The following NELL1 variants were observed in gnomAD, a reference collection of about 807,000 sequenced individuals.
The protein encoded by NELL1 is neural EGFL like 1, also known as protein kinase C-binding protein NELL1.
Under a neutral mutation model 107.4 loss-of-function variants are expected in NELL1, and 76 were observed. The observed-to-expected ratio is 0.71, with a 90% confidence interval of 0.59 to 0.86. NELL1 has a LOEUF of 0.86. Ranked by LOEUF, NELL1 falls within the 40% of genes least tolerant of loss-of-function variation. The probability of loss-of-function intolerance (pLI) is 0.00; values close to 1 mark genes in which losing one functional copy is unlikely to be tolerated. For synonymous variants in NELL1, 353 were observed against 341.2 expected, an observed-to-expected ratio of 1.03 and a Z score of -0.38; for missense variants, 1,024 against 1,005.5, an observed-to-expected ratio of 1.02 and a Z score of -0.25.
intron 12 of NELL1, among the ~76,000 whole-genome samples, chr11:20,990,486 C>T (rs777474744): frequency 2.6e-5 from 4 of 152,230 alleles, no homozygotes; most frequent in Non-Finnish European, 4.4e-5. Context: ...GATTATTCTG[C>T]TGTTGAACTC....
intron 12 of NELL1, among the ~76,000 whole-genome samples, chr11:21,080,554 C>T (rs989452157): frequency 2.0e-5 from 3 of 151,964 alleles, no homozygotes; most frequent in Non-Finnish European, 4.4e-5. Flanking sequence ...CTTAGTGTGG[C>T]TGTGGCATGA....
intron 3 of NELL1, among the ~76,000 whole-genome samples, chr11:20,812,998 C>A (rs1271053163): frequency 1.0e-5 from 1 of 100,338 alleles, no homozygotes; most frequent in Non-Finnish European, 1.7e-5. Flanking sequence ...GACAGCGAGA[C>A]TCCGTCTCAA....
intron 2 of NELL1, among the ~76,000 whole-genome samples, chr11:20,706,843 A>T (rs1364493113): frequency 3.3e-5 from 5 of 152,074 alleles, no homozygotes; most frequent in African/African-American, 4.8e-5. Context: ...GGTGAATCTG[A>T]CAATTATGTG....
intron 4 of NELL1, among the ~76,000 whole-genome samples, chr11:20,859,294 A>G (rs1016608000): frequency 6.6e-6 from 1 of 152,188 alleles, no homozygotes; most frequent in Non-Finnish European, 1.5e-5. Flanking sequence ...ATAGCTGATC[A>G]GTTGGTCTTT....
intron 11 of NELL1, among the ~76,000 whole-genome samples, chr11:20,954,352 C>T (rs992788683): frequency 2.6e-5 from 4 of 152,162 alleles, no homozygotes; most frequent in African/African-American, 9.7e-5. Flanking sequence ...TTCCATTTCT[C>T]CCACTAGGAT....
At chr11:21,211,333 C>A (rs1347674022) in intron 13 of NELL1, among the ~76,000 whole-genome samples, 2 of 152,014 alleles carry the variant, frequency 1.3e-5, no homozygotes, top group Non-Finnish European at 2.9e-5. Context: ...TAAAAAGGAA[C>A]TTTTGAGGCA....
At chr11:20,956,192 T>C (rs1248971790) in intron 11 of NELL1, among the ~76,000 whole-genome samples, 1 of 148,512 alleles carries the variant, frequency 6.7e-6, no homozygotes, top group East Asian at 2.1e-4. Flanking sequence ...GCACTCCAGC[T>C]TGGGTGACAG....
intron 12 of NELL1, among the ~76,000 whole-genome samples, chr11:20,992,772 T>A (rs1852004978): frequency 6.9e-6 from 1 of 144,386 alleles, no homozygotes; most frequent in Non-Finnish European, 1.5e-5. Context: ...TGGAGTGCAA[T>A]GGTGCGATCT....
At chr11:21,023,065 T>C (rs1296467724) in intron 12 of NELL1, among the ~76,000 whole-genome samples, 1 of 152,010 alleles carries the variant, frequency 6.6e-6, no homozygotes, top group African/African-American at 2.4e-5. Context: ...TCACTGAAAT[T>C]TTCTAACCCA....
intron 12 of NELL1, among the ~76,000 whole-genome samples, chr11:21,107,081 C>A (rs936907954): frequency 2.6e-5 from 4 of 152,172 alleles, no homozygotes; most frequent in Non-Finnish European, 4.4e-5. Context: ...CTGCTGTTAT[C>A]CGTTATCAAT....
In NELL1 at chr11:21,334,894, GA is replaced by G. The variant is rs575434395; in HGVS notation, c.1550-35952del. The stretch of plus-strand genomic sequence containing the variant: ...TACTGAGGGAGCAGAAAGAGGAAGA[GA>G]AAAAAACAGATAAAATGCCTAGCTG... On this transcript the variant is annotated intron_variant, in intron 14 of 19. Coordinates refer to ENST00000357134, the MANE Select transcript of NELL1 (RefSeq NM_006157.5). Among the ~76,000 whole-genome samples, 14 of 151,770 alleles carry G rather than the reference GA, an allele frequency of 9.2e-5. No homozygotes were observed. The East Asian group carries it at 2.7e-3, about 29-fold the overall frequency.
At chr11:21,398,357 T>C (rs1852025650) in intron 15 of NELL1, among the ~76,000 whole-genome samples, 1 of 151,752 alleles carries the variant, frequency 6.6e-6, no homozygotes. Flanking sequence ...CCTCCTATTC[T>C]GGCAATCTGA....
At chr11:21,421,597 C>T (rs926524838) in intron 15 of NELL1, among the ~76,000 whole-genome samples, 1 of 152,016 alleles carries the variant, frequency 6.6e-6, no homozygotes, top group African/African-American at 2.4e-5. Context: ...CCTCACGTCC[C>T]CACCCCACAG....
At chr11:20,990,530 T>A (rs1851949858) in intron 12 of NELL1, among the ~76,000 whole-genome samples, 1 of 152,172 alleles carries the variant, frequency 6.6e-6, no homozygotes, top group Non-Finnish European at 1.5e-5. Context: ...TTCTCCAGCA[T>A]TTTTCTCTCC....
At chr11:20,699,589 A>G (rs1261349657) in intron 2 of NELL1, among the ~76,000 whole-genome samples, 2 of 151,974 alleles carry the variant, frequency 1.3e-5, no homozygotes, top group Non-Finnish European at 1.5e-5. Flanking sequence ...CAAACTCCTG[A>G]CCTCATGATC....
rs140760341 is a variant in NELL1 at position 21,573,350 on chromosome 11, C to T, written c.2323C>T (p.Arg775Trp). The T allele has an allele frequency of 3.9e-4, 624 of 1,612,326 alleles. No homozygotes were observed. Among genetic ancestry groups the T allele is most frequent in the Middle Eastern group, 2.0e-3 (12 of 6,044 alleles). ...KTCLDSYGVS[R>W]LSGSVWTMAG... ...TTGCCTGGACAGCTATGGTGTTTCA[C>T]GGCTTAGTGGCTCAGTGTGGACGAT... The change falls in exon 19 of 20, where the codon CGG becomes TGG. Residue 775 changes from arginine (R) to tryptophan (W), a missense_variant. Transcript: ENST00000357134.
At chr11:21,153,232 A>T (rs1467043365) in intron 13 of NELL1, among the ~76,000 whole-genome samples, 1 of 152,172 alleles carries the variant, frequency 6.6e-6, no homozygotes, top group Non-Finnish European at 1.5e-5. Flanking sequence ...ACCATTCATT[A>T]AGCCTATCTG....
At position 20,912,623 on chromosome 11, in the gene NELL1, G is replaced by A. The variant is rs76566260; in HGVS notation, c.604-5559G>A. Among the ~76,000 whole-genome samples the A allele has an allele frequency of 1.7e-3, 260 of 152,264 alleles. 6 individuals carry two copies. In the East Asian group the frequency reaches 0.044, roughly 26 times the overall value. ...CTTTCACAGAGGCCAAGGCTCTCCT[G>A]TCTTTGTTTCTCTGTCTCTGTGTCT... On this transcript the variant is annotated intron_variant, in intron 5 of 19. Transcript: ENST00000357134.
intron 12 of NELL1, among the ~76,000 whole-genome samples, chr11:21,104,139 A>T (rs1456632241): frequency 6.6e-6 from 1 of 152,154 alleles, no homozygotes; most frequent in Non-Finnish European, 1.5e-5. Flanking sequence ...ACCTTTTTGG[A>T]AGCACTCACT....
Sources: allele counts gnomAD v4.1 joint callset (sites outside exome capture counted in the v4.1 genomes callset), GRCh38; gene constraint gnomAD v4.1.1; transcripts MANE v1.5; gene names NCBI Gene and HGNC (gene_info 2026-07-23, HGNC 2026-07-21).